The following PCA3 variants were observed in gnomAD, a reference collection of about 807,000 sequenced individuals.
PCA3 encodes prostate cancer associated 3, also known as Differential Display code 3.
At position 76,765,894 on chromosome 9, in the gene PCA3, C is replaced by T. The variant is rs138916356; in HGVS notation, n.852+29279C>T. ...GAAGGCCTAACCTTTAGAAATATCT[C>T]GTTAGAGGCCAGACGCGGTGGCTCA... On this transcript the variant is annotated intron_variant and non_coding_transcript_variant, in intron 2 of 5. Transcript: ENST00000644657. Among the ~76,000 whole-genome samples, 3 of 152,134 alleles carry T rather than the reference C, an allele frequency of 2.0e-5. No individual in the cohort carries two copies. The East Asian group carries it at 5.8e-4, about 30-fold the overall frequency.
At position 76,786,019 on chromosome 9, in the gene PCA3, C is replaced by T. The variant is rs140399062; in HGVS notation, n.853-22564C>T. On this transcript the variant is annotated intron_variant and non_coding_transcript_variant, in intron 2 of 5. Transcript: ENST00000644657. ...ACTGCTTGACATATATTGTTAGAAG[C>T]ACCTCGCATTTGTGGGTTCTCTTAA... 70 of 152,312 alleles carry T rather than the reference C, an allele frequency of 4.6e-4. 1 individual carries two copies. The East Asian group carries it at 0.011, about 23-fold the overall frequency. The allele number at this position is 152,312 out of a possible 1,614,324, so 9.4% of individuals were successfully genotyped here.
intron 2 of PCA3, among the ~76,000 whole-genome samples, chr9:76,779,232 CT>C (rs5898506): frequency 0.051 from 7,431 of 144,704 alleles, 460 homozygotes; most frequent in African/African-American, 0.14. Context: ...AAAACTTAGA[CT>C]TTTTTTTTTT....
At position 76,765,624 on chromosome 9, in the gene PCA3, C is replaced by T. The variant is rs115975901; in HGVS notation, n.852+29009C>T. On this transcript the variant is annotated intron_variant and non_coding_transcript_variant, in intron 2 of 5. Transcript: ENST00000644657. ...TCTATCCATCCATCTATCCATCCATCCCTCCACCCATCCTTCCCTCCATCC... is the reference window on the plus strand; with the variant it reads ...TCTATCCATCCATCTATCCATCCATTCCTCCACCCATCCTTCCCTCCATCC... Among the ~76,000 whole-genome samples the T allele has an allele frequency of 3.9e-3, 594 of 152,292 alleles. 1 individual carries two copies. Among genetic ancestry groups the T allele is most frequent in the African/African-American group, 0.013 (560 of 41,538 alleles).
chr9:76,783,035 A>C (rs954725486), intron 2 of PCA3, among the ~76,000 whole-genome samples: 5 of 152,356 alleles, frequency 3.3e-5, no homozygotes, highest in Middle Eastern at 3.4e-3. Context: ...TAAAGTGCCC[A>C]AAACAGTCCA....
intron 2 of PCA3, chr9:76,784,546 G>A (rs1486830076): frequency 1.3e-5 from 2 of 152,020 alleles, no homozygotes; most frequent in Non-Finnish European, 2.9e-5. Flanking sequence ...GTTCCTTCTG[G>A]GCCCAACATT....
intron 2 of PCA3, among the ~76,000 whole-genome samples, chr9:76,764,790 A>T (rs2130803496): frequency 6.6e-6 from 1 of 152,258 alleles, no homozygotes; most frequent in East Asian, 1.9e-4. Context: ...TTTGGAGTGA[A>T]CAAGCTATTT....
intron 2 of PCA3, among the ~76,000 whole-genome samples, chr9:76,766,063 G>T (rs7028762): frequency 2.1e-3 from 313 of 151,808 alleles, no homozygotes; most frequent in African/African-American, 7.3e-3. Context: ...GGCACCTGTA[G>T]TCCCAGCTAC....
chr9:76,776,893 TACACAC>T (rs541232508), intron 2 of PCA3, among the ~76,000 whole-genome samples: 2,574 of 115,638 alleles, frequency 0.022, 40 homozygotes, highest in African/African-American at 0.033. Context: ...CCAAAACACA[TACACAC>T]ACACACACAC....
chr9:76,774,465 T>TGTTTATTTA (rs761395945), intron 2 of PCA3, among the ~76,000 whole-genome samples: 1 of 136,864 alleles, frequency 7.3e-6, no homozygotes, highest in African/African-American at 2.8e-5. Context: ...TTTTTTTTTT[T>TGTTTATTTA]TTTTTTTTTT....
At chr9:76,770,068 C>A (rs1289554422) in intron 2 of PCA3, among the ~76,000 whole-genome samples, 1 of 152,188 alleles carries the variant, frequency 6.6e-6, no homozygotes. Flanking sequence ...AATATCAGGA[C>A]CTTGCCAATT....
At chr9:76,779,344 G>C (rs917727046) in intron 2 of PCA3, among the ~76,000 whole-genome samples, 6 of 152,122 alleles carry the variant, frequency 3.9e-5, no homozygotes, top group African/African-American at 1.2e-4. Context: ...TCTTTGTGGG[G>C]AAGGACAAAG....
chr9:76,774,450 C>CTTTTTTTATTTATTTATTTATTTAT lies in PCA3; in HGVS notation n.853-34126_853-34125insATTTATTTATTTATTTATTTTTTTT, dbSNP rs1564272256. Among the ~76,000 whole-genome samples the CTTTTTTTATTTATTTATTTATTTAT allele has an allele frequency of 3.9e-3, 162 of 41,374 alleles. 4 individuals are homozygous for CTTTTTTTATTTATTTATTTATTTAT. Among genetic ancestry groups the CTTTTTTTATTTATTTATTTATTTAT allele is most frequent in the Middle Eastern group, 0.016 (1 of 62 alleles). 27.1% of individuals were successfully genotyped at this position (41,374 alleles called of 152,430 possible). A position where few individuals can be genotyped will look rare whatever the true frequency, so the allele number is the denominator to read the frequency against. On this transcript the variant is annotated intron_variant and non_coding_transcript_variant, in intron 2 of 5. Transcript: ENST00000644657. Reference sequence around the variant, plus strand: ...ATCGTTCCTGGCCTCCAGTTCAACCCTTTTTTTTTTTTTTTTTTTTTTTTT... The same window carrying CTTTTTTTATTTATTTATTTATTTAT: ...ATCGTTCCTGGCCTCCAGTTCAACCCTTTTTTTATTTATTTATTTATTTATTTTTTTTTTTTTTTTTTTTTTTTTT...
At chr9:76,767,049 C>T (rs528309724) in intron 2 of PCA3, among the ~76,000 whole-genome samples, 1 of 152,190 alleles carries the variant, frequency 6.6e-6, no homozygotes, top group Admixed American at 6.5e-5. Context: ...CTGCTGTATT[C>T]TGGTATAGCG....
At chr9:76,777,629 C>G (rs939414007) in intron 2 of PCA3, among the ~76,000 whole-genome samples, 2 of 152,178 alleles carry the variant, frequency 1.3e-5, no homozygotes, top group Admixed American at 1.3e-4. Context: ...AAATCCCTAC[C>G]CTCGTGAAAG....
rs369031422 is a variant in PCA3, at chr9:76,779,204, T to C, written n.853-29379T>C. Among the ~76,000 whole-genome samples, 8 of 151,472 alleles carry C rather than the reference T, an allele frequency of 5.3e-5. No homozygotes were observed. The South Asian group carries it at 1.2e-3, about 24-fold the overall frequency. ...TTAAAATATGCAGAAGATAATTAAA[T>C]GGCAATGGACAAAGTGAAAAACTTA... is the stretch of plus-strand genomic sequence containing the variant. On this transcript the variant is annotated intron_variant and non_coding_transcript_variant, in intron 2 of 5. Transcript: ENST00000644657.
chr9:76,772,977 G>A (rs1170418986), intron 2 of PCA3, among the ~76,000 whole-genome samples: 1 of 152,176 alleles, frequency 6.6e-6, no homozygotes, highest in Non-Finnish European at 1.5e-5. Context: ...CCTTCAACAG[G>A]AAAAATGTAT....
intron 2 of PCA3, among the ~76,000 whole-genome samples, chr9:76,772,954 T>C (rs144786228): frequency 0.014 from 2,098 of 152,336 alleles, 22 homozygotes; most frequent in Non-Finnish European, 0.023. Flanking sequence ...ACCAAGTCAC[T>C]TTTTGCTCCT....
intron 2 of PCA3, chr9:76,784,926 A>G (rs1007261783): frequency 6.6e-6 from 1 of 151,996 alleles, no homozygotes. Context: ...TTTTTTTTTT[A>G]ACCTGGAAGA....
rs561691989 is a variant in PCA3 at position 76,774,142 on chromosome 9, A to C, written n.853-34441A>C. Among the ~76,000 whole-genome samples the C allele has an allele frequency of 6.6e-5, 10 of 152,220 alleles. No homozygotes were observed. The East Asian group carries it at 1.9e-3, about 29-fold the overall frequency. ...TCTTTTTTATTTTTTAATTTTAAAA[A>C]AATATTTTTTTGACACAGGGTCTCA... On this transcript the variant is annotated intron_variant and non_coding_transcript_variant, in intron 2 of 5. Transcript: ENST00000644657.
Sources: allele counts gnomAD v4.1 joint callset (sites outside exome capture counted in the v4.1 genomes callset), GRCh38; gene constraint gnomAD v4.1.1; transcripts MANE v1.5; gene names NCBI Gene and HGNC (gene_info 2026-07-23, HGNC 2026-07-21).